LMO1: variants seen among roughly 807,000 people sequenced by gnomAD.
The protein encoded by LMO1 is rhombotin-1.
Under a neutral mutation model 18.0 loss-of-function variants are expected in LMO1, and 10 were observed. The ratio of observed to expected loss-of-function variants is 0.55; its 90% CI spans 0.34 to 0.94. The LOEUF (loss-of-function observed/expected upper bound fraction) is 0.94, where lower values mean the gene tolerates loss of function less well. Ranked by LOEUF, LMO1 falls within the 40% of genes least tolerant of loss-of-function variation. The pLI, the probability that LMO1 is intolerant of heterozygous loss-of-function variation, is 0.02. For missense variants in LMO1, 183 were observed against 205.7 expected, an observed-to-expected ratio of 0.89 and a Z score of 0.68; for synonymous variants, 77 against 77.9, an observed-to-expected ratio of 0.99 and a Z score of 0.06.
At chr11:8,242,963 C>G (rs1846823310) in intron 1 of LMO1, among the ~76,000 whole-genome samples, 1 of 152,220 alleles carries the variant, frequency 6.6e-6, no homozygotes, top group Non-Finnish European at 1.5e-5. Context: ...GGGGACCCTC[C>G]CGGCAAGCTG....
intron 1 of LMO1, among the ~76,000 whole-genome samples, chr11:8,232,241 C>T (rs1044665315): frequency 1.1e-4 from 16 of 152,166 alleles, no homozygotes; most frequent in African/African-American, 3.6e-4. Context: ...TTCCTTAATG[C>T]AGCTCTAAAG....
At chr11:8,242,048 T>TA (rs143784690) in intron 1 of LMO1, among the ~76,000 whole-genome samples, 2 of 152,148 alleles carry the variant, frequency 1.3e-5, no homozygotes, top group East Asian at 3.9e-4. Flanking sequence ...GATGGAGCCT[T>TA]AATCAGGCTT....
In LMO1 at chr11:8,224,775, G is replaced by C. The variant is rs199988641; in HGVS notation, c.366-54C>G. 811 of 1,235,200 alleles carry C rather than the reference G, an allele frequency of 6.6e-4. 1 individual carries two copies. The Middle Eastern group carries it at 6.7e-3, about 10-fold the overall frequency. 76.5% of individuals were successfully genotyped at this position (1,235,200 alleles called of 1,614,324 possible). A position where few individuals can be genotyped will look rare whatever the true frequency, so the allele number is the denominator to read the frequency against. ...CATGGGAAGGTCCCAGTGGGTAAGG[G>C]GGGGGCTGCAGACAGAAGCCGGCCT... On this transcript the variant is annotated intron_variant, in intron 3 of 3. Transcript: ENST00000335790.
rs1470358450 is a variant in LMO1 at position 8,263,324 on chromosome 11, G to T, written c.25+14C>A. On this transcript the variant is annotated intron_variant, in intron 1 of 3. Coordinates refer to ENST00000335790, the MANE Select transcript of LMO1 (RefSeq NM_002315.3). ...AGGGGGTGAGGGGCGTCGAGACCCC[G>T]GCCCGCCACCTACCGTCCTCCTTGT... 3 of 1,597,772 alleles carry T rather than the reference G, an allele frequency of 1.9e-6. No individual in the cohort carries two copies. Among genetic ancestry groups the T allele is most frequent in the Non-Finnish European group, 1.7e-6 (2 of 1,177,048 alleles).
chr11:8,233,469 G>A (rs1219308019), intron 1 of LMO1, among the ~76,000 whole-genome samples: 1 of 152,162 alleles, frequency 6.6e-6, no homozygotes, highest in African/African-American at 2.4e-5. Flanking sequence ...ACAGGAGAGT[G>A]GAAGAGCTCT....
intron 1 of LMO1, among the ~76,000 whole-genome samples, chr11:8,237,038 A>T (rs1464352106): frequency 6.6e-6 from 1 of 152,170 alleles, no homozygotes; most frequent in East Asian, 1.9e-4. Flanking sequence ...AGGCCTGAAG[A>T]TGGAAGGAAA....
chr11:8,261,855 G>C (rs73397903), intron 1 of LMO1, among the ~76,000 whole-genome samples: 6,451 of 152,190 alleles, frequency 0.042, 451 homozygotes, highest in African/African-American at 0.15. Flanking sequence ...TCCGTGAATA[G>C]AGAAGACATA....
chr11:8,237,194 C>G (rs1276327971), intron 1 of LMO1, among the ~76,000 whole-genome samples: 3 of 151,400 alleles, frequency 2.0e-5, no homozygotes, highest in African/African-American at 7.3e-5. Context: ...GGGTCTGGGT[C>G]CCTGTCACCT....
chr11:8,243,504 T>C (rs1465699728), intron 1 of LMO1, among the ~76,000 whole-genome samples: 1 of 152,188 alleles, frequency 6.6e-6, no homozygotes, highest in African/African-American at 2.4e-5. Flanking sequence ...GAGAGTGGTC[T>C]GAAGCTCCCA....
chr11:8,247,025 T>G (rs1182614169), intron 1 of LMO1, among the ~76,000 whole-genome samples: 1 of 152,236 alleles, frequency 6.6e-6, no homozygotes, highest in Non-Finnish European at 1.5e-5. Context: ...CAAACCTTAC[T>G]GGATCCATCA....
At chr11:8,236,482 T>C (rs1341345558) in intron 1 of LMO1, among the ~76,000 whole-genome samples, 1 of 151,818 alleles carries the variant, frequency 6.6e-6, no homozygotes, top group African/African-American at 2.4e-5. Context: ...CTGGGGTTAG[T>C]AGGAGAAAGA....
chr11:8,265,543 C>G (rs557255078), upstream of LMO1, among the ~76,000 whole-genome samples: 15 of 152,310 alleles, frequency 9.8e-5, no homozygotes, highest in Non-Finnish European at 1.9e-4. Flanking sequence ...ATCTTGAATA[C>G]TTAATCCTAA....
intron 1 of LMO1, among the ~76,000 whole-genome samples, chr11:8,235,127 G>T (rs1269038608): frequency 2.9e-5 from 4 of 137,380 alleles, no homozygotes; most frequent in African/African-American, 5.7e-5. Flanking sequence ...AACAGGAACT[G>T]ATAGTATTAA....
chr11:8,228,958 G>A (rs1264077571), intron 2 of LMO1, among the ~76,000 whole-genome samples: 1 of 152,150 alleles, frequency 6.6e-6, no homozygotes, highest in Admixed American at 6.6e-5. Flanking sequence ...CGCAATCACA[G>A]CTCACTGCAG....
At chr11:8,252,186 C>T (rs746569446) in intron 1 of LMO1, among the ~76,000 whole-genome samples, 2 of 152,260 alleles carry the variant, frequency 1.3e-5, no homozygotes, top group South Asian at 2.1e-4. Flanking sequence ...CTGGGGTATC[C>T]CAGCCAAGTG....
intron 1 of LMO1, among the ~76,000 whole-genome samples, chr11:8,256,844 T>C (rs1847107018): frequency 6.6e-6 from 1 of 152,136 alleles, no homozygotes; most frequent in South Asian, 2.1e-4. Context: ...CATAGTTTAG[T>C]GTGATGGTCA....
chr11:8,240,594 C>T (rs749710111), intron 1 of LMO1, among the ~76,000 whole-genome samples: 4 of 152,018 alleles, frequency 2.6e-5, no homozygotes, highest in Non-Finnish European at 4.4e-5. Context: ...GTGAGAGTTG[C>T]TTCTTGGATC....
chr11:8,250,415 T>C (rs146193339), intron 1 of LMO1, among the ~76,000 whole-genome samples: 397 of 152,388 alleles, frequency 2.6e-3, no homozygotes, highest in Admixed American at 4.3e-3. Flanking sequence ...TGAGATCTTA[T>C]GCTCATGTAG....
chr11:8,243,146 C>T (rs542043915), intron 1 of LMO1, among the ~76,000 whole-genome samples: 1 of 152,252 alleles, frequency 6.6e-6, no homozygotes, highest in East Asian at 1.9e-4. Context: ...GACAGCACTG[C>T]CTCTGGGATG....
Sources: allele counts gnomAD v4.1 joint callset (sites outside exome capture counted in the v4.1 genomes callset), GRCh38; gene constraint gnomAD v4.1.1; transcripts MANE v1.5; gene names NCBI Gene and HGNC (gene_info 2026-07-23, HGNC 2026-07-21).